Variants in ARHGAP42 observed in about 807,000 individuals in gnomAD.
ARHGAP42 encodes Rho GTPase activating protein 42.
In ARHGAP42, 63 loss-of-function variants were observed where a neutral mutation model predicts 125.0. That is an observed-to-expected ratio of 0.50 (90% confidence interval 0.41 to 0.62). ARHGAP42 has a LOEUF of 0.62. Ranked by LOEUF, ARHGAP42 falls within the 20% of genes least tolerant of loss-of-function variation. The pLI is 0.00. For missense variants in ARHGAP42, 766 were observed against 1,024.2 expected, an observed-to-expected ratio of 0.75 and a Z score of 3.44; for synonymous variants, 339 against 351.0, an observed-to-expected ratio of 0.97 and a Z score of 0.38.
chr11:100,892,256 A>G (rs1341826143), intron 4 of ARHGAP42, among the ~76,000 whole-genome samples: 1 of 152,216 alleles, frequency 6.6e-6, no homozygotes, highest in Non-Finnish European at 1.5e-5. Flanking sequence ...ACCTTGAGGA[A>G]GATCAGGTGG....
intron 2 of ARHGAP42, among the ~76,000 whole-genome samples, chr11:100,783,960 A>T (rs1863373718): frequency 1.3e-5 from 2 of 152,176 alleles, no homozygotes; most frequent in South Asian, 4.1e-4. Flanking sequence ...CTTATGATCT[A>T]ATCAGTATAA....
At chr11:100,753,508 A>C (rs73005729) in intron 1 of ARHGAP42, among the ~76,000 whole-genome samples, 40,600 of 151,986 alleles carry the variant, frequency 0.27, 5,666 homozygotes, top group Non-Finnish European at 0.29. Context: ...TTCCCACTCA[A>C]CCCCTGGTTC....
chr11:100,906,349 T>C (rs1162306511), intron 4 of ARHGAP42, among the ~76,000 whole-genome samples: 1 of 152,190 alleles, frequency 6.6e-6, no homozygotes, highest in Non-Finnish European at 1.5e-5. Flanking sequence ...AATGAATTAG[T>C]CCTCAGAAAT....
At chr11:100,907,310 T>G (rs1256839501) in intron 4 of ARHGAP42, among the ~76,000 whole-genome samples, 1 of 152,238 alleles carries the variant, frequency 6.6e-6, no homozygotes, top group Non-Finnish European at 1.5e-5. Flanking sequence ...ATCCTTGACA[T>G]GCGTTATCTG....
intron 3 of ARHGAP42, among the ~76,000 whole-genome samples, chr11:100,839,072 A>G (rs1300784887): frequency 6.6e-6 from 1 of 152,132 alleles, no homozygotes; most frequent in Non-Finnish European, 1.5e-5. Flanking sequence ...CATCTACAGA[A>G]CACAGCTATA....
chr11:100,781,933 AT>A (rs5794067), intron 2 of ARHGAP42, among the ~76,000 whole-genome samples: 82 of 144,206 alleles, frequency 5.7e-4, no homozygotes, highest in South Asian at 6.7e-4. Context: ...CCACCACGAG[AT>A]TTTTTTTTTT....
chr11:100,689,312 C>T (rs1015874778), intron 1 of ARHGAP42, among the ~76,000 whole-genome samples: 7 of 152,180 alleles, frequency 4.6e-5, no homozygotes, highest in Admixed American at 6.5e-5. Flanking sequence ...TAAAGTCTCG[C>T]GGGACTAACC....
chr11:100,951,759 C>G (rs938833036), intron 12 of ARHGAP42, among the ~76,000 whole-genome samples: 1 of 152,094 alleles, frequency 6.6e-6, no homozygotes, highest in African/African-American at 2.4e-5. Context: ...ACTGTGCCTT[C>G]AATTATAATT....
chr11:100,792,857 G>A (rs902291931), intron 2 of ARHGAP42, among the ~76,000 whole-genome samples: 8 of 151,152 alleles, frequency 5.3e-5, no homozygotes, highest in Admixed American at 1.3e-4. Flanking sequence ...GGTTCACGCC[G>A]TTCTCCTGCC....
chr11:100,973,478 T>C (rs1036413392), intron 18 of ARHGAP42, 144 bp downstream of exon 18: 2 of 856,824 alleles, frequency 2.3e-6, no homozygotes, highest in African/African-American at 3.5e-5. Context: ...TGTTTTTAAG[T>C]GCTTCTCAAA....
Position 100,990,059 on chromosome 11 carries a change from A to C in ARHGAP42, c.*1258A>C, listed in dbSNP as rs1858791638. ...AGTAATAGGTATTTACTGTCCACTT[A>C]TATATATCAGCATCTGGTCATGCAC... On this transcript the variant is annotated 3_prime_UTR_variant, in exon 24 of 24. Coordinates refer to ENST00000298815, the MANE Select transcript of ARHGAP42 (RefSeq NM_152432.4). 1 of 152,294 alleles carries C rather than the reference A, an allele frequency of 6.6e-6. No individual in the cohort carries two copies. Among genetic ancestry groups the C allele is most frequent in the African/African-American group, 2.4e-5 (1 of 41,566 alleles). The allele number at this position is 152,294 out of a possible 1,614,324, so 9.4% of individuals were successfully genotyped here. A position where few individuals can be genotyped will look rare whatever the true frequency, so the allele number is the denominator to read the frequency against.
chr11:100,845,280 A>G (rs1402069230), intron 3 of ARHGAP42, among the ~76,000 whole-genome samples: 4 of 152,220 alleles, frequency 2.6e-5, no homozygotes, highest in African/African-American at 9.6e-5. Flanking sequence ...AATCTCACTC[A>G]TAATTGGGAG....
intron 1 of ARHGAP42, among the ~76,000 whole-genome samples, chr11:100,691,747 C>A (rs943316404): frequency 5.9e-5 from 9 of 152,070 alleles, no homozygotes; most frequent in Admixed American, 5.2e-4. Flanking sequence ...TCTCATCAAA[C>A]CCCTGGGTTC....
At chr11:100,928,325 G>A (rs1046034681) in intron 6 of ARHGAP42, among the ~76,000 whole-genome samples, 2 of 152,164 alleles carry the variant, frequency 1.3e-5, no homozygotes. Context: ...GCCAGGCATG[G>A]TTGCTCACAC....
chr11:100,815,023 C>A (rs1367679006), intron 3 of ARHGAP42, among the ~76,000 whole-genome samples: 1 of 152,226 alleles, frequency 6.6e-6, no homozygotes. Flanking sequence ...CTTGGGCCCT[C>A]TAAAACAAGT....
chr11:100,696,353 T>A (rs1861284129), intron 1 of ARHGAP42, among the ~76,000 whole-genome samples: 1 of 152,166 alleles, frequency 6.6e-6, no homozygotes, highest in African/African-American at 2.4e-5. Flanking sequence ...TTTTTTATTT[T>A]ATCTATTTAT....
rs1384632862 is a variant in ARHGAP42, at chr11:100,989,667, A to C, written c.*866A>C. 1 of 152,260 alleles carries C rather than the reference A, an allele frequency of 6.6e-6. No homozygotes were observed. Among genetic ancestry groups the C allele is most frequent in the Non-Finnish European group, 1.5e-5 (1 of 68,054 alleles). The allele number at this position is 152,260 out of a possible 1,614,324, so 9.4% of individuals were successfully genotyped here. On this transcript the variant is annotated 3_prime_UTR_variant, in exon 24 of 24. Coordinates refer to ENST00000298815, the MANE Select transcript of ARHGAP42 (RefSeq NM_152432.4). ...ACCAGTAGCATTATAGTGGCATCAT[A>C]GAAGAATATTTACCAATGATGGGGA...
intron 8 of ARHGAP42, among the ~76,000 whole-genome samples, chr11:100,940,409 A>C (rs1300232695): frequency 6.6e-6 from 1 of 152,108 alleles, no homozygotes; most frequent in Non-Finnish European, 1.5e-5. Flanking sequence ...TCCATTTTCG[A>C]TCCACTCAGT....
At chr11:100,841,035 AG>A (rs1486575094) in intron 3 of ARHGAP42, among the ~76,000 whole-genome samples, 2 of 152,178 alleles carry the variant, frequency 1.3e-5, no homozygotes, top group Non-Finnish European at 2.9e-5. Flanking sequence ...TGACATGTGA[AG>A]AACAGATTCA....
Sources: gnomAD v4.1 joint callset for allele counts (sites outside exome capture counted in the v4.1 genomes callset) on GRCh38, gnomAD v4.1.1 for gene constraint, MANE v1.5 for transcripts, NCBI Gene and HGNC (gene_info 2026-07-23, HGNC 2026-07-21) for gene names.